TPTE2: variants seen among roughly 807,000 people sequenced by gnomAD.
TPTE2 encodes the protein phosphatidylinositol 3,4,5-trisphosphate 3-phosphatase TPTE2.
In TPTE2, 53 loss-of-function variants were observed where a neutral mutation model predicts 78.6. The ratio of observed to expected loss-of-function variants is 0.67; its 90% confidence interval spans 0.54 to 0.85. The LOEUF is 0.85. TPTE2 is among the 40% of genes least tolerant of loss of function. The probability of loss-of-function intolerance (pLI) is 0.00; values close to 1 mark genes in which losing one functional copy is unlikely to be tolerated. For missense variants in TPTE2, 461 were observed against 623.0 expected (o/e 0.74, Z 2.77); for synonymous variants, 175 against 206.2 (o/e 0.85, Z 1.30).
chr13:19,532,167 C>T (rs2137748019), intron 1 of TPTE2, among the ~76,000 whole-genome samples: 1 of 152,286 alleles, frequency 6.6e-6, no homozygotes, highest in African/African-American at 2.4e-5. Context: ...AGACAGGTCT[C>T]CTGCAGGGAA....
At chr13:19,428,301 A>G (rs1406724750) in intron 17 of TPTE2, among the ~76,000 whole-genome samples, 1 of 152,088 alleles carries the variant, frequency 6.6e-6, no homozygotes, top group Non-Finnish European at 1.5e-5. Flanking sequence ...ATACAAAATT[A>G]GCCAGGTGTG....
At chr13:19,445,319 G>A (rs1320252410) in intron 13 of TPTE2, among the ~76,000 whole-genome samples, 1 of 152,074 alleles carries the variant, frequency 6.6e-6, no homozygotes, top group Non-Finnish European at 1.5e-5. Flanking sequence ...TACAAAAAAG[G>A]ATATCCAAAT....
upstream of TPTE2, among the ~76,000 whole-genome samples, chr13:19,507,304 TAA>T (rs370011146): frequency 8.9e-6 from 1 of 112,194 alleles, no homozygotes; most frequent in African/African-American, 3.6e-5. Context: ...CTAGCTGTTC[TAA>T]AAAAAAAAAA....
At chr13:19,497,057 G>A (rs1231773374) in intron 1 of TPTE2, among the ~76,000 whole-genome samples, 1 of 152,106 alleles carries the variant, frequency 6.6e-6, no homozygotes, top group South Asian at 2.1e-4. Context: ...CTGGAAAATC[G>A]GGTCACTCCC....
chr13:19,526,829 TA>T (rs1380412660), intron 1 of TPTE2, among the ~76,000 whole-genome samples: 1 of 152,190 alleles, frequency 6.6e-6, no homozygotes. Context: ...CCAACTGAAT[TA>T]TATCTCAGTA....
chr13:19,454,433 T>C (rs1017360489), intron 10 of TPTE2, among the ~76,000 whole-genome samples: 1 of 152,216 alleles, frequency 6.6e-6, no homozygotes, highest in Admixed American at 6.5e-5. Flanking sequence ...TCACTGAACA[T>C]GCAATCACTG....
At chr13:19,560,994 A>G in the TPTE2 span, 32,128 of 1,580,256 alleles carry the variant, frequency 0.02, 458 homozygotes, top group Middle Eastern at 0.054. Context: ...CCGCAGTGGT[A>G]GCCGGAGGCC....
chr13:19,425,595 G>A, intron 18 of TPTE2: 3 of 363,606 alleles, frequency 8.3e-6, no homozygotes, highest in Non-Finnish European at 5.4e-6. Context: ...ACTCCGCAGG[G>A]ACCATGTGGA....
the TPTE2 span, among the ~76,000 whole-genome samples, chr13:19,552,328 T>C: frequency 4.3e-4 from 65 of 152,232 alleles, no homozygotes; most frequent in Middle Eastern, 3.2e-3. Flanking sequence ...TTTTATGTCA[T>C]AGAAATTCAT....
the TPTE2 span, among the ~76,000 whole-genome samples, chr13:19,543,441 C>T: frequency 6.6e-6 from 1 of 151,074 alleles, no homozygotes; most frequent in South Asian, 2.1e-4. Flanking sequence ...TCACTGCAAC[C>T]TCTGCACCCG....
At chr13:19,434,957 G>C (rs1269087935) in intron 15 of TPTE2, among the ~76,000 whole-genome samples, 2 of 152,182 alleles carry the variant, frequency 1.3e-5, no homozygotes, top group Non-Finnish European at 2.9e-5. Context: ...TCATAGTAGT[G>C]CCTACTCATA....
chr13:19,468,682 T>G (rs1879435971), intron 6 of TPTE2, among the ~76,000 whole-genome samples: 1 of 152,248 alleles, frequency 6.6e-6, no homozygotes, highest in Admixed American at 6.5e-5. Flanking sequence ...GATTTGTTAT[T>G]GCCTGACTTT....
chr13:19,496,950 C>T lies in TPTE2; in HGVS notation c.12-3449G>A, dbSNP rs537955733. 7.2e-4 allele frequency among the ~76,000 whole-genome samples: 109 copies of T among 152,164 alleles called. 1 individual carries two copies. The highest frequency in any genetic ancestry group is 2.3e-3 in the African/African-American group (97 of 41,548). Reference sequence around the variant, plus strand: ...CAGGTCAGTGGGTGCGCGCACCGTGCGCGAGCCGAAGCAGGGCGAGGCATT... The same window carrying T: ...CAGGTCAGTGGGTGCGCGCACCGTGTGCGAGCCGAAGCAGGGCGAGGCATT... On this transcript the variant is annotated intron_variant, in intron 1 of 19. Coordinates refer to ENST00000400230, the Ensembl canonical transcript of TPTE2.
chr13:19,537,193 T>C (rs1871261151), upstream of TPTE2, among the ~76,000 whole-genome samples: 1 of 151,814 alleles, frequency 6.6e-6, no homozygotes, highest in South Asian at 2.1e-4. Flanking sequence ...TGAAATGCTA[T>C]GGCATTTGCC....
chr13:19,429,318 C>T (rs1359698676), intron 17 of TPTE2, among the ~76,000 whole-genome samples: 1 of 152,156 alleles, frequency 6.6e-6, no homozygotes, highest in African/African-American at 2.4e-5. Context: ...GGAAGGAGAA[C>T]ATAGAAAACT....
intron 1 of TPTE2, among the ~76,000 whole-genome samples, chr13:19,521,178 A>T (rs1870123030): frequency 6.6e-6 from 1 of 152,042 alleles, no homozygotes; most frequent in African/African-American, 2.4e-5. Flanking sequence ...TCTAGCTATT[A>T]ATGAAAGTGG....
chr13:19,528,366 A>C (rs1473453924), intron 1 of TPTE2, among the ~76,000 whole-genome samples: 4 of 151,602 alleles, frequency 2.6e-5, no homozygotes, highest in East Asian at 3.9e-4. Flanking sequence ...CAGCCTAGGC[A>C]ACAAGAGCGA....
chr13:19,435,755 GACACACACACAC>G (rs60130804), intron 15 of TPTE2, among the ~76,000 whole-genome samples: 5 of 137,640 alleles, frequency 3.6e-5, no homozygotes, highest in South Asian at 2.4e-4. Flanking sequence ...ACACAGAAAA[GACACACACACAC>G]ACACACACAC....
At chr13:19,442,676 A>G (rs1877573116) in intron 13 of TPTE2, among the ~76,000 whole-genome samples, 1 of 152,128 alleles carries the variant, frequency 6.6e-6, no homozygotes, top group Non-Finnish European at 1.5e-5. Context: ...AGACTAATCA[A>G]AAGAAAAAAG....
Sources: allele counts gnomAD v4.1 joint callset (sites outside exome capture counted in the v4.1 genomes callset), GRCh38; gene constraint gnomAD v4.1.1; transcripts MANE v1.5; gene names NCBI Gene and HGNC (gene_info 2026-07-23, HGNC 2026-07-21).